NPAS3: variants seen among roughly 807,000 people sequenced by gnomAD.
NPAS3 encodes the protein neuronal PAS domain protein 3.
In NPAS3, 14 loss-of-function variants were observed where a neutral mutation model predicts 73.1. That is an observed-to-expected ratio of 0.19 (90% CI 0.13 to 0.30). The LOEUF is 0.30. Among genes scored for constraint, NPAS3 ranks in the 10% least tolerant of loss-of-function variants. NPAS3 has a pLI of 1.00. For synonymous variants in NPAS3, 620 were observed against 541.5 expected (o/e 1.14, Z -2.01); for missense variants, 1,096 against 1,250.0 (o/e 0.88, Z 1.86).
intron 5 of NPAS3, among the ~76,000 whole-genome samples, chr14:33,652,772 C>T (rs964087691): frequency 1.3e-5 from 2 of 152,188 alleles, no homozygotes; most frequent in African/African-American, 4.8e-5. Context: ...TGGACTTAAG[C>T]AGACCAGAAA....
chr14:33,417,698 G>A (rs771393534), intron 4 of NPAS3, among the ~76,000 whole-genome samples: 3 of 151,864 alleles, frequency 2.0e-5, no homozygotes, highest in Non-Finnish European at 4.4e-5. Context: ...AATAGCATCT[G>A]CCTTATTCAG....
intron 3 of NPAS3, among the ~76,000 whole-genome samples, chr14:33,349,903 C>T (rs575943389): frequency 6.6e-6 from 1 of 152,286 alleles, no homozygotes; most frequent in South Asian, 2.1e-4. Flanking sequence ...GGAAATTCTT[C>T]TCTAGCAGGA....
intron 5 of NPAS3, among the ~76,000 whole-genome samples, chr14:33,592,126 A>ATTTG (rs931464641): frequency 6.6e-6 from 1 of 152,142 alleles, no homozygotes; most frequent in Admixed American, 6.5e-5. Context: ...ACCCCCTCCA[A>ATTTG]TTTGATGTGG....
chr14:33,181,734 G>GA (rs1205133479), intron 2 of NPAS3, among the ~76,000 whole-genome samples: 1 of 152,280 alleles, frequency 6.6e-6, no homozygotes, highest in East Asian at 1.9e-4. Flanking sequence ...GACAAAAGTG[G>GA]AATGTCTCTC....
At chr14:32,949,548 A>G (rs1275493412) in intron 1 of NPAS3, among the ~76,000 whole-genome samples, 1 of 152,062 alleles carries the variant, frequency 6.6e-6, no homozygotes, top group African/African-American at 2.4e-5. Flanking sequence ...GTCTTCAGAG[A>G]TAACCAAATA....
At chr14:33,484,987 C>A (rs2051512497) in intron 4 of NPAS3, among the ~76,000 whole-genome samples, 1 of 152,100 alleles carries the variant, frequency 6.6e-6, no homozygotes, top group Non-Finnish European at 1.5e-5. Context: ...AGGAAAGAAT[C>A]TTTTAATATG....
chr14:33,588,557 C>A (rs1041784778), intron 5 of NPAS3, among the ~76,000 whole-genome samples: 1 of 152,176 alleles, frequency 6.6e-6, no homozygotes, highest in African/African-American at 2.4e-5. Flanking sequence ...CTGTTAGCAG[C>A]TTGTAGGTTT....
chr14:33,459,724 T>C (rs2050174383), intron 4 of NPAS3, among the ~76,000 whole-genome samples: 1 of 152,206 alleles, frequency 6.6e-6, no homozygotes, highest in Non-Finnish European at 1.5e-5. Flanking sequence ...GCATATCGTA[T>C]TTTGAAGGCA....
intron 4 of NPAS3, among the ~76,000 whole-genome samples, chr14:33,543,456 G>A (rs1157983217): frequency 1.3e-5 from 2 of 152,154 alleles, no homozygotes; most frequent in Admixed American, 1.3e-4. Flanking sequence ...GCCTGAAGGA[G>A]TGTTCAAATA....
intron 7 of NPAS3, among the ~76,000 whole-genome samples, chr14:33,752,830 T>C (rs1566500837): frequency 1.3e-5 from 2 of 152,202 alleles, no homozygotes; most frequent in African/African-American, 4.8e-5. Flanking sequence ...GTCTTTCTGA[T>C]ATTTTTTTTC....
chr14:33,792,902 G>A (rs1398643767), intron 9 of NPAS3, among the ~76,000 whole-genome samples: 2 of 152,176 alleles, frequency 1.3e-5, no homozygotes, highest in Non-Finnish European at 2.9e-5. Flanking sequence ...GCGGGGCGCC[G>A]AGTTGCTGCG....
chr14:33,185,215 A>G (rs2045938173), intron 2 of NPAS3, among the ~76,000 whole-genome samples: 1 of 152,176 alleles, frequency 6.6e-6, no homozygotes, highest in South Asian at 2.1e-4. Flanking sequence ...ACAGAAAAAA[A>G]TGTAAGGACC....
chr14:33,762,731 C>CTTAA (rs749110818), intron 7 of NPAS3, among the ~76,000 whole-genome samples: 11 of 152,148 alleles, frequency 7.2e-5, no homozygotes, highest in Non-Finnish European at 1.0e-4. Context: ...TAAGGAGTTT[C>CTTAA]CAAATGTGTG....
chr14:33,277,118 A>G (rs1290963411), intron 3 of NPAS3, among the ~76,000 whole-genome samples: 4 of 152,176 alleles, frequency 2.6e-5, no homozygotes, highest in Admixed American at 1.3e-4. Context: ...TAGTGTTCCA[A>G]GTATTTTTCT....
rs7143104 is a variant in NPAS3, at chr14:33,058,853, A to G, written c.140+2859A>G. Among the ~76,000 whole-genome samples the G allele has an allele frequency of 1.3e-3, 200 of 152,346 alleles. 2 individuals carry two copies. The highest frequency in any genetic ancestry group is 6.8e-3 in the Middle Eastern group (2 of 294). On this transcript the variant is annotated intron_variant, in intron 2 of 11. Coordinates refer to ENST00000356141, the Ensembl canonical transcript of NPAS3. ...GATAGAGTTGAGTAGGTAAATGTATAAACAGAATAATATATAGGTGTTGTC... is the reference window on the plus strand; with the variant it reads ...GATAGAGTTGAGTAGGTAAATGTATGAACAGAATAATATATAGGTGTTGTC...
chr14:33,079,609 CTTTTTTTTT>C (rs34920021), intron 2 of NPAS3, among the ~76,000 whole-genome samples: 1 of 56,064 alleles, frequency 1.8e-5, no homozygotes, highest in African/African-American at 7.5e-5. Context: ...TGAGCCAGGC[CTTTTTTTTT>C]TTTTTTTTTT....
chr14:33,782,432 T>C (rs1393819890), intron 9 of NPAS3, among the ~76,000 whole-genome samples: 1 of 152,236 alleles, frequency 6.6e-6, no homozygotes, highest in Non-Finnish European at 1.5e-5. Context: ...CAGAGATGCA[T>C]GCTTTGCACT....
chr14:33,572,279 T>G (rs551283340), intron 5 of NPAS3, among the ~76,000 whole-genome samples: 3 of 152,244 alleles, frequency 2.0e-5, no homozygotes, highest in Admixed American at 2.0e-4. Flanking sequence ...GCCTCCTAAT[T>G]AACAATAATT....
chr14:33,405,200 T>A (rs1303528931), intron 4 of NPAS3, among the ~76,000 whole-genome samples: 1 of 152,030 alleles, frequency 6.6e-6, no homozygotes, highest in Admixed American at 6.6e-5. Context: ...GGTCTGGACT[T>A]GTGTTCCTTG....
Sources: gnomAD v4.1 joint callset for allele counts (sites outside exome capture counted in the v4.1 genomes callset) on GRCh38, gnomAD v4.1.1 for gene constraint, MANE v1.5 for transcripts, NCBI Gene and HGNC (gene_info 2026-07-23, HGNC 2026-07-21) for gene names.